The following ADGRL4 variants were observed in gnomAD, a reference collection of about 807,000 sequenced individuals.
ADGRL4 encodes adhesion G protein-coupled receptor L4.
In ADGRL4, 90 loss-of-function variants were observed where a neutral mutation model predicts 74.8. That is an observed-to-expected ratio of 1.20 (90% CI 1.02 to 1.43). The LOEUF (loss-of-function observed/expected upper bound fraction) is 1.43. Among genes scored for constraint, ADGRL4 ranks in the 40% most tolerant of loss-of-function variants. ADGRL4 has a pLI of 0.00. For missense variants in ADGRL4, 881 were observed against 814.3 expected, an observed-to-expected ratio of 1.08 and a Z score of -1.00; for synonymous variants, 311 against 279.2, an observed-to-expected ratio of 1.11 and a Z score of -1.14.
intron 7 of ADGRL4, among the ~76,000 whole-genome samples, chr1:78,929,603 T>A (rs975135889): frequency 6.6e-6 from 1 of 151,628 alleles, no homozygotes; most frequent in African/African-American, 2.4e-5. Context: ...AGAATGCATG[T>A]GTTTTATTAA....
intron 12 of ADGRL4, among the ~76,000 whole-genome samples, chr1:78,910,198 TA>T (rs560335319): frequency 1.3e-5 from 2 of 151,804 alleles, no homozygotes; most frequent in African/African-American, 4.8e-5. Flanking sequence ...TTTGTGCTAC[TA>T]AAAAATGTAA....
At chr1:78,945,940 G>T (rs547161290) in intron 3 of ADGRL4, among the ~76,000 whole-genome samples, 3 of 152,078 alleles carry the variant, frequency 2.0e-5, no homozygotes, top group Admixed American at 6.5e-5. Flanking sequence ...TTTTCTTGGA[G>T]TATTTTATTA....
At chr1:78,912,078 C>T (rs1158312364) in intron 12 of ADGRL4, among the ~76,000 whole-genome samples, 1 of 151,808 alleles carries the variant, frequency 6.6e-6, no homozygotes, top group Admixed American at 6.6e-5. Context: ...GTCCATCACT[C>T]ACAGAGGTTC....
At chr1:78,954,148 G>GAAAA (rs1377716855) in intron 2 of ADGRL4, among the ~76,000 whole-genome samples, 1 of 149,960 alleles carries the variant, frequency 6.7e-6, no homozygotes, top group Non-Finnish European at 1.5e-5. Flanking sequence ...CTCCATTTCA[G>GAAAA]AAAATAAATA....
chr1:78,989,803 A>G (rs939464742), intron 2 of ADGRL4, among the ~76,000 whole-genome samples: 1 of 151,984 alleles, frequency 6.6e-6, no homozygotes, highest in Non-Finnish European at 1.5e-5. Flanking sequence ...GCCTTTCTAT[A>G]TGGCTGGGGT....
intron 2 of ADGRL4, among the ~76,000 whole-genome samples, chr1:78,970,728 A>G (rs1650151348): frequency 6.6e-6 from 1 of 152,036 alleles, no homozygotes; most frequent in Non-Finnish European, 1.5e-5. Flanking sequence ...CCATTGAAAA[A>G]ATCTCTTTGT....
At chr1:78,992,162 C>T (rs1025575222) in intron 2 of ADGRL4, among the ~76,000 whole-genome samples, 15 of 152,014 alleles carry the variant, frequency 9.9e-5, no homozygotes, top group Admixed American at 8.5e-4. Flanking sequence ...AAGTCATTAT[C>T]TCCTTTCATG....
Position 78,974,349 on chromosome 1 carries a change from G to A in ADGRL4, c.173-27923C>T, listed in dbSNP as rs75074638. On this transcript the variant is annotated intron_variant, in intron 2 of 14. Coordinates refer to ENST00000370742, the MANE Select transcript of ADGRL4 (RefSeq NM_022159.4). ...CATTTTCAGTTATTTATTGACAAAC[G>A]AATTGTCTCATTTTGATTTAAGCAT... 4.0e-3 allele frequency among the ~76,000 whole-genome samples: 608 copies of A among 152,056 alleles called. 5 individuals are homozygous for A. The highest frequency in any genetic ancestry group is 0.014 in the African/African-American group (573 of 41,484).
intron 3 of ADGRL4, among the ~76,000 whole-genome samples, chr1:78,941,272 G>T (rs1259798310): frequency 6.6e-6 from 1 of 152,132 alleles, no homozygotes; most frequent in African/African-American, 2.4e-5. Context: ...GCAGACTAGG[G>T]TTATCACTTG....
intron 2 of ADGRL4, among the ~76,000 whole-genome samples, chr1:78,958,641 T>A (rs1331411337): frequency 6.6e-6 from 1 of 152,144 alleles, no homozygotes; most frequent in East Asian, 1.9e-4. Flanking sequence ...GCAAAGAAAG[T>A]TTTTTTCCTG....
At chr1:78,940,015 A>C (rs561919511) in intron 3 of ADGRL4, among the ~76,000 whole-genome samples, 1 of 152,270 alleles carries the variant, frequency 6.6e-6, no homozygotes, top group Non-Finnish European at 1.5e-5. Context: ...AATATTATTC[A>C]TGGGCCAAAT....
intron 2 of ADGRL4, among the ~76,000 whole-genome samples, chr1:78,983,975 C>T (rs1406000879): frequency 1.3e-5 from 2 of 151,774 alleles, no homozygotes; most frequent in East Asian, 3.9e-4. Context: ...AGGTGAACTT[C>T]AGGACAAAGA....
intron 2 of ADGRL4, among the ~76,000 whole-genome samples, chr1:78,992,479 C>T (rs1650625139): frequency 6.6e-6 from 1 of 151,984 alleles, no homozygotes. Context: ...AATGAAAACT[C>T]TTTGACTTGA....
chr1:78,982,270 C>A (rs933420869), intron 2 of ADGRL4, among the ~76,000 whole-genome samples: 1 of 151,746 alleles, frequency 6.6e-6, no homozygotes, highest in Non-Finnish European at 1.5e-5. Context: ...AAAGGTGGGA[C>A]AACACTTACA....
chr1:78,920,947 T>A (rs2100672410), intron 9 of ADGRL4, among the ~76,000 whole-genome samples: 1 of 151,928 alleles, frequency 6.6e-6, no homozygotes, highest in East Asian at 1.9e-4. Flanking sequence ...CAGGAAAAAA[T>A]CATTGTTAGG....
At chr1:78,922,825 T>C (rs1187573289) in intron 8 of ADGRL4, among the ~76,000 whole-genome samples, 1 of 151,922 alleles carries the variant, frequency 6.6e-6, no homozygotes, top group Non-Finnish European at 1.5e-5. Flanking sequence ...CAAATATTTA[T>C]TAAAGAAAAC....
chr1:78,981,553 A>G (rs1650397899), intron 2 of ADGRL4, among the ~76,000 whole-genome samples: 2 of 151,966 alleles, frequency 1.3e-5, no homozygotes, highest in Non-Finnish European at 2.9e-5. Context: ...GATACTCAGT[A>G]AATATTGGTT....
At chr1:78,951,968 G>C (rs578169580) in intron 2 of ADGRL4, among the ~76,000 whole-genome samples, 12 of 152,088 alleles carry the variant, frequency 7.9e-5, no homozygotes, top group Admixed American at 7.2e-4. Flanking sequence ...TATCTTCTTT[G>C]TATAATAGGA....
At chr1:78,894,719 C>T (rs1648357863) in intron 12 of ADGRL4, among the ~76,000 whole-genome samples, 1 of 151,640 alleles carries the variant, frequency 6.6e-6, no homozygotes, top group Non-Finnish European at 1.5e-5. Context: ...TATATGCCTA[C>T]CCATTATTGG....
Sources: allele counts gnomAD v4.1 joint callset (sites outside exome capture counted in the v4.1 genomes callset), GRCh38; gene constraint gnomAD v4.1.1; transcripts MANE v1.5; gene names NCBI Gene and HGNC (gene_info 2026-07-23, HGNC 2026-07-21).